PIAS2: variants seen among roughly 807,000 people sequenced by gnomAD.
PIAS2 encodes E3 SUMO-protein ligase PIAS2.
In PIAS2, 19 loss-of-function variants were observed where a neutral mutation model predicts 69.7. That is an observed-to-expected ratio of 0.27 (90% CI 0.19 to 0.40). The LOEUF (loss-of-function observed/expected upper bound fraction) is 0.40. Ranked by LOEUF, PIAS2 falls within the 10% of genes least tolerant of loss-of-function variation. The pLI, the probability that PIAS2 is intolerant of heterozygous loss-of-function variation, is 1.00. For synonymous variants in PIAS2, 261 were observed against 263.2 expected, an observed-to-expected ratio of 0.99 and a Z score of 0.08; for missense variants, 624 against 757.0, an observed-to-expected ratio of 0.82 and a Z score of 2.06.
rs775450548 is a variant in PIAS2 at position 46,844,113 on chromosome 18, T to C, written c.982A>G (p.Thr328Ala). The change falls in exon 8 of 14, where the codon ACT (threonine) becomes GCT (alanine). Residue 328 changes from threonine (T) to alanine (A), a missense_variant. Physicochemically the swap from Thr to Ala is moderately conservative, Grantham distance 58. This residue lies in a region of PIAS2 where 339 missense variants were observed against 408.8 expected (regional missense o/e 0.83). Coordinates refer to ENST00000585916, the MANE Select transcript of PIAS2 (RefSeq NM_004671.5). ...GCAATTTCACTATCAGGATCTGCAG[T>C]AAGTTTTTCTTTAACTTTAAAAAGA... ...HSRALIKEKL[T>A]ADPDSEIATT... 1 of 1,483,294 alleles carries C rather than the reference T, an allele frequency of 6.7e-7. No homozygotes were observed. Among genetic ancestry groups the C allele is most frequent in the Middle Eastern group, 1.8e-4 (1 of 5,598 alleles). The allele number at this position is 1,483,294 out of a possible 1,614,324, so 91.9% of individuals were successfully genotyped here. A position where few individuals can be genotyped will look rare whatever the true frequency, so the allele number is the denominator to read the frequency against.
At chr18:46,847,331 T>C (rs2046296875) in intron 5 of PIAS2, among the ~76,000 whole-genome samples, 1 of 152,204 alleles carries the variant, frequency 6.6e-6, no homozygotes, top group African/African-American at 2.4e-5. Flanking sequence ...CACTGCCTTT[T>C]CTCTGGGTGG....
intron 1 of PIAS2, among the ~76,000 whole-genome samples, chr18:46,898,151 A>G: frequency 6.6e-6 from 1 of 152,036 alleles, no homozygotes; most frequent in East Asian, 1.9e-4. Flanking sequence ...TACTACACCA[A>G]GGCAATATAA....
At position 46,805,099 on chromosome 18, in the gene PIAS2, CA is replaced by C. The variant is rs898960212; in HGVS notation, c.*7333del. The C allele has an allele frequency of 2.0e-5, 3 of 152,210 alleles. No homozygotes were observed. Among genetic ancestry groups the C allele is most frequent in the Admixed American group, 2.0e-4 (3 of 15,278 alleles). 9.4% of individuals were successfully genotyped at this position (152,210 alleles called of 1,614,324 possible). On this transcript the variant is annotated 3_prime_UTR_variant, in exon 14 of 14. Coordinates refer to ENST00000585916, the MANE Select transcript of PIAS2 (RefSeq NM_004671.5). Reference sequence around the variant, plus strand: ...TGTCCCTTCTGTTTGAATTAAGCAGCAAAGTCATCTTCTGAGAAGGAAGTGG... The same window carrying C: ...TGTCCCTTCTGTTTGAATTAAGCAGCAAGTCATCTTCTGAGAAGGAAGTGG...
At chr18:46,833,596 A>G (rs1251905811) in intron 9 of PIAS2, among the ~76,000 whole-genome samples, 1 of 152,230 alleles carries the variant, frequency 6.6e-6, no homozygotes, top group Non-Finnish European at 1.5e-5. Context: ...ATGTAAATCA[A>G]AACCCAAAAA....
At chr18:46,814,782 T>C (rs978536826) in intron 13 of PIAS2, among the ~76,000 whole-genome samples, 2 of 152,214 alleles carry the variant, frequency 1.3e-5, no homozygotes, top group Admixed American at 6.5e-5. Flanking sequence ...AAGGTCTTCA[T>C]GTTGGGACAC....
intron 1 of PIAS2, among the ~76,000 whole-genome samples, chr18:46,906,913 T>C (rs2056684622): frequency 6.6e-6 from 1 of 152,068 alleles, no homozygotes; most frequent in Non-Finnish European, 1.5e-5. Flanking sequence ...GACTAGACTG[T>C]TTCATACCAA....
intron 1 of PIAS2, among the ~76,000 whole-genome samples, chr18:46,911,646 G>A (rs1443246156): frequency 1.3e-5 from 2 of 152,192 alleles, no homozygotes; most frequent in African/African-American, 4.8e-5. Context: ...GTGGCTATTA[G>A]TACTCAATTT....
chr18:46,836,560 A>G, intron 8 of PIAS2, 43 bp from the exon 9 acceptor site: 1 of 1,513,302 alleles, frequency 6.6e-7, no homozygotes, highest in Non-Finnish European at 9.1e-7. Flanking sequence ...CAGAAAGGAG[A>G]ATGAGCTCAG....
intron 1 of PIAS2, chr18:46,891,274 C>T (rs1446011605): frequency 1.5e-6 from 1 of 651,900 alleles, no homozygotes; most frequent in Non-Finnish European, 2.8e-6. Flanking sequence ...TGTACAAGAT[C>T]TTAATTTTGG....
rs1013175401 is a variant in PIAS2 at position 46,803,745 on chromosome 18, T to A, written c.*8688A>T. Reference sequence around the variant, plus strand: ...TGTAGTGTACCTGACCCAGATAAGGTGGTCCTCAGTACATAACCTAGAGTA... The same window carrying A: ...TGTAGTGTACCTGACCCAGATAAGGAGGTCCTCAGTACATAACCTAGAGTA... On this transcript the variant is annotated 3_prime_UTR_variant, in exon 14 of 14. Coordinates refer to ENST00000585916, the MANE Select transcript of PIAS2 (RefSeq NM_004671.5). The A allele has an allele frequency of 6.6e-6, 1 of 152,208 alleles. No homozygotes were observed. The highest frequency in any genetic ancestry group is 6.5e-5 in the Admixed American group (1 of 15,278). The allele number at this position is 152,208 out of a possible 1,614,324, so 9.4% of individuals were successfully genotyped here.
chr18:46,915,795 A>C (rs2057780722), intron 1 of PIAS2, among the ~76,000 whole-genome samples: 1 of 152,064 alleles, frequency 6.6e-6, no homozygotes, highest in African/African-American at 2.4e-5. Context: ...CATTAACAAA[A>C]AAAAAAAAAA....
chr18:46,825,671 C>CA (rs1283243690), intron 11 of PIAS2, among the ~76,000 whole-genome samples: 2 of 152,150 alleles, frequency 1.3e-5, no homozygotes, highest in Non-Finnish European at 2.9e-5. Context: ...ACAAAACTGG[C>CA]ATGGTATGGA....
At chr18:46,865,196 T>G (rs72909181) in intron 2 of PIAS2, among the ~76,000 whole-genome samples, 1,571 of 152,246 alleles carry the variant, frequency 0.01, 13 homozygotes, top group Non-Finnish European at 0.017. Context: ...TTAATATATA[T>G]AGAGGCCTCA....
At chr18:46,852,952 G>A (rs889869490) in intron 5 of PIAS2, 1 of 152,294 alleles carries the variant, frequency 6.6e-6, no homozygotes, top group Non-Finnish European at 1.5e-5. Flanking sequence ...GATAATGGGA[G>A]GGGCAAATAG....
chr18:46,813,525 T>C (rs2041194742), intron 13 of PIAS2, among the ~76,000 whole-genome samples: 1 of 152,112 alleles, frequency 6.6e-6, no homozygotes, highest in Admixed American at 6.6e-5. Context: ...CAAGAGATGG[T>C]TTAAGTTTGT....
chr18:46,846,639 A>G, intron 6 of PIAS2, 68 bp downstream of exon 6: 2 of 1,442,210 alleles, frequency 1.4e-6, no homozygotes, highest in Non-Finnish European at 1.8e-6. Flanking sequence ...CAACAGCTTA[A>G]GAAAAAACAC....
chr18:46,917,379 G>T lies in PIAS2; in HGVS notation c.-34C>A. ...ACCCGCGGGCGCCGCCGCCGCTGCC[G>T]CCGCACCCACTCCCGCTGCCGCCAA... On this transcript the variant is annotated 5_prime_UTR_variant, in exon 1 of 14. Coordinates refer to ENST00000585916, the MANE Select transcript of PIAS2 (RefSeq NM_004671.5). 6.9e-7 allele frequency: 1 copy of T among 1,450,154 alleles called. No homozygotes were observed. The highest frequency in any genetic ancestry group is 1.3e-5 in the South Asian group (1 of 75,184). 89.8% of individuals were successfully genotyped at this position (1,450,154 alleles called of 1,614,324 possible). A position where few individuals can be genotyped will look rare whatever the true frequency, so the allele number is the denominator to read the frequency against.
chr18:46,825,079 T>C (rs1486347887), intron 11 of PIAS2, among the ~76,000 whole-genome samples: 1 of 152,022 alleles, frequency 6.6e-6, no homozygotes, highest in Non-Finnish European at 1.5e-5. Flanking sequence ...TGATTTCTCA[T>C]TCTCTGTTCT....
chr18:46,869,216 A>C (rs2049954560), intron 2 of PIAS2, among the ~76,000 whole-genome samples: 1 of 152,248 alleles, frequency 6.6e-6, no homozygotes, highest in Admixed American at 6.5e-5. Flanking sequence ...AAGCAGCCAG[A>C]GAAGGACAAA....
Sources: allele counts gnomAD v4.1 joint callset (sites outside exome capture counted in the v4.1 genomes callset), GRCh38; gene constraint gnomAD v4.1.1; regional missense constraint gnomAD v4.1.1; transcripts MANE v1.5; gene names NCBI Gene and HGNC (gene_info 2026-07-23, HGNC 2026-07-21).